Variants in COL27A1 observed in about 807,000 individuals in gnomAD.
COL27A1 encodes collagen alpha-1(XXVII) chain.
Under a neutral mutation model 251.3 loss-of-function variants are expected in COL27A1, and 106 were observed. That is an observed-to-expected ratio of 0.42 (90% CI 0.36 to 0.50). COL27A1 has a LOEUF of 0.50. Ranked by LOEUF, COL27A1 falls within the 20% of genes least tolerant of loss-of-function variation. COL27A1 has a pLI of 0.00. For missense variants in COL27A1, 2,325 were observed against 2,522.8 expected (o/e 0.92, Z 1.68); for synonymous variants, 1,000 against 986.3 (o/e 1.01, Z -0.26).
Position 114,270,523 on chromosome 9 carries a change from G to A in COL27A1, c.3556-205G>A, listed in dbSNP as rs553675026. Among the ~76,000 whole-genome samples the A allele has an allele frequency of 8.5e-5, 13 of 152,310 alleles. No individual in the cohort carries two copies. The East Asian group carries it at 9.6e-4, about 11-fold the overall frequency. On this transcript the variant is annotated intron_variant, in intron 35 of 60. Coordinates refer to ENST00000356083, the MANE Select transcript of COL27A1 (RefSeq NM_032888.4). ...GTCTGCTCCCCTTTTCTGGAGAGCT[G>A]AGGGTGGGCACCTCAACCTTCCTGT...
At chr9:114,221,830 C>T (rs1465962959) in intron 13 of COL27A1, among the ~76,000 whole-genome samples, 1 of 152,232 alleles carries the variant, frequency 6.6e-6, no homozygotes, top group African/African-American at 2.4e-5. Flanking sequence ...ATGGCTTTGT[C>T]ATTTCCTTGC....
intron 11 of COL27A1, among the ~76,000 whole-genome samples, 181 bp from the exon 12 acceptor site, chr9:114,210,801 A>C (rs1830298862): frequency 6.6e-6 from 1 of 152,224 alleles, no homozygotes; most frequent in South Asian, 2.1e-4. Flanking sequence ...CTCTTAGGTC[A>C]CCACAGACCC....
chr9:114,300,634 G>A lies in COL27A1; in HGVS notation c.4648G>A (p.Gly1550Arg). 1.3e-6 allele frequency: 2 copies of A among 1,535,528 alleles called. No individual in the cohort carries two copies. Among genetic ancestry groups the A allele is most frequent in the Non-Finnish European group, 1.7e-6 (2 of 1,144,838 alleles). The part of the protein sequence containing the change: ...AGLFGPKGPP[G>R]DIGFKGIQGP... The stretch of plus-strand genomic sequence containing the variant: ...TCTCTGCCTCCCACAGGGCCCGCCT[G>A]GAGACATTGGCTTCAAAGGCATCCA... The change falls in exon 51 of 61, where the codon GGA becomes AGA. Residue 1550 changes from glycine (G) to arginine (R), a missense_variant. Gly to Arg is a moderately radical substitution (Grantham distance 125, BLOSUM62 -2). Transcript: ENST00000356083.
At chr9:114,262,731 C>G (rs1320970532) in intron 28 of COL27A1, among the ~76,000 whole-genome samples, 1 of 152,240 alleles carries the variant, frequency 6.6e-6, no homozygotes, top group East Asian at 1.9e-4. Context: ...ACAATGGGCA[C>G]CAGGCCCTGG....
chr9:114,298,316 C>A (rs913227667), intron 49 of COL27A1, among the ~76,000 whole-genome samples: 1 of 152,088 alleles, frequency 6.6e-6, no homozygotes, highest in African/African-American at 2.4e-5. Context: ...CTATCAAAAT[C>A]CAAGCTGACT....
intron 4 of COL27A1, 44 bp downstream of exon 4, chr9:114,178,388 T>C (rs1262550495): frequency 6.3e-7 from 1 of 1,577,428 alleles, no homozygotes; most frequent in Non-Finnish European, 8.7e-7. Context: ...GGTGGCTCTT[T>C]GGCCTGCGTC....
chr9:114,183,544 G>A (rs1244486301), intron 5 of COL27A1, among the ~76,000 whole-genome samples: 3 of 152,122 alleles, frequency 2.0e-5, no homozygotes, highest in Non-Finnish European at 2.9e-5. Context: ...AGGCTAGTCC[G>A]GGCCAACTTA....
At chr9:114,177,617 AT>A (rs1226415045) in intron 3 of COL27A1, among the ~76,000 whole-genome samples, 1 of 152,172 alleles carries the variant, frequency 6.6e-6, no homozygotes, top group Non-Finnish European at 1.5e-5. Context: ...TTGGAATCCC[AT>A]GGGGAGTGTT....
intron 14 of COL27A1, among the ~76,000 whole-genome samples, chr9:114,225,937 G>A (rs1831441887): frequency 1.3e-5 from 2 of 152,228 alleles, no homozygotes; most frequent in Non-Finnish European, 1.5e-5. Flanking sequence ...CAGTTAGAGA[G>A]TGGAAGTGTC....
At chr9:114,278,952 C>T (rs1369801794) in intron 37 of COL27A1, among the ~76,000 whole-genome samples, 1 of 152,124 alleles carries the variant, frequency 6.6e-6, no homozygotes, top group Non-Finnish European at 1.5e-5. Context: ...CATTCCGGAC[C>T]CACAGCCTCA....
intron 7 of COL27A1, among the ~76,000 whole-genome samples, chr9:114,203,371 T>C (rs1014109812): frequency 4.6e-5 from 7 of 152,210 alleles, no homozygotes; most frequent in Admixed American, 4.6e-4. Flanking sequence ...CTGCCATCCC[T>C]GCTCCAACTT....
intron 9 of COL27A1, 45 bp from the exon 10 acceptor site, chr9:114,206,207 A>G (rs770208354): frequency 1.5e-5 from 24 of 1,597,346 alleles, no homozygotes; most frequent in East Asian, 2.2e-5. Context: ...GGCAGCAGGT[A>G]GAGCGTCTCC....
At position 114,205,958 on chromosome 9, in the gene COL27A1, T is replaced by C. The variant is rs1015853812; in HGVS notation, c.2223+146T>C. 5.5e-6 allele frequency: 4 copies of C among 729,234 alleles called. No individual in the cohort carries two copies. In the East Asian group the frequency reaches 1.1e-4, roughly 19 times the overall value. The allele number at this position is 729,234 out of a possible 1,614,324, so 45.2% of individuals were successfully genotyped here. ...CTAAGGAGGGGGCTTTCCAGGGGAC[T>C]GGACCAAGGAAGCCTGTCTTTGCAG... On this transcript the variant is annotated intron_variant, in intron 9 of 60. Coordinates refer to ENST00000356083, the MANE Select transcript of COL27A1 (RefSeq NM_032888.4).
rs146958388 is a variant in COL27A1, at chr9:114,252,736, G to A, written c.3087+90G>A. 7.1e-5 allele frequency: 102 copies of A among 1,432,208 alleles called. 1 individual carries two copies. The East Asian group carries it at 8.2e-4, about 12-fold the overall frequency. The allele number at this position is 1,432,208 out of a possible 1,614,324, so 88.7% of individuals were successfully genotyped here. ...CCTCCATGAACCGCTTACCCCAGACGTTCAGAATGACCAGCTCCCTCTTTG... is the reference window on the plus strand; with the variant it reads ...CCTCCATGAACCGCTTACCCCAGACATTCAGAATGACCAGCTCCCTCTTTG... On this transcript the variant is annotated intron_variant, in intron 26 of 60. Transcript: ENST00000356083.
rs1008869698 is a variant in COL27A1, at chr9:114,167,270, C to G, written c.134-419C>G. 5.9e-5 allele frequency among the ~76,000 whole-genome samples: 9 copies of G among 152,262 alleles called. No individual in the cohort carries two copies. The South Asian group carries it at 1.9e-3, about 32-fold the overall frequency. On this transcript the variant is annotated intron_variant, in intron 2 of 60. Transcript: ENST00000356083. ...TAGTATTAGTTATTATTTGAAAGGG[C>G]TTCTTTTGTACCAGGCACTTAAAAA...
At chr9:114,207,971 G>A (rs1182534692) in intron 10 of COL27A1, among the ~76,000 whole-genome samples, 1 of 152,204 alleles carries the variant, frequency 6.6e-6, no homozygotes, top group Non-Finnish European at 1.5e-5. Flanking sequence ...AGCCTCCATT[G>A]GTTGCTTGTT....
At position 114,156,007 on chromosome 9, in the gene COL27A1, CG is replaced by C. The variant is rs756877794; in HGVS notation, c.62+1del. ...GCACAGCGGCGGCGGCGGCGGCGCG[CG>C]GGGGGTGAGTACGAACTCGGGGACG... ...RGTAAAAAAR[G>X]GGFLFSWILV... On this transcript the variant is annotated frameshift_variant, in exon 1 of 61. Coordinates refer to ENST00000356083, the MANE Select transcript of COL27A1 (RefSeq NM_032888.4). LOFTEE classifies it high-confidence loss of function. 2.1e-5 allele frequency: 27 copies of C among 1,296,992 alleles called. No individual in the cohort carries two copies. The Middle Eastern group carries it at 1.6e-3, about 79-fold the overall frequency. 80.3% of individuals were successfully genotyped at this position (1,296,992 alleles called of 1,614,324 possible).
chr9:114,214,587 A>G (rs1051602818), intron 12 of COL27A1, among the ~76,000 whole-genome samples: 1 of 152,238 alleles, frequency 6.6e-6, no homozygotes, highest in East Asian at 1.9e-4. Context: ...ATAAGCAGAC[A>G]TAGCCCAGGG....
intron 2 of COL27A1, among the ~76,000 whole-genome samples, chr9:114,167,377 G>A (rs186726210): frequency 6.6e-6 from 1 of 152,318 alleles, no homozygotes; most frequent in African/African-American, 2.4e-5. Context: ...GAAAACTGAG[G>A]CACTAAAGTC....
Sources: allele counts gnomAD v4.1 joint callset (sites outside exome capture counted in the v4.1 genomes callset), GRCh38; gene constraint gnomAD v4.1.1; transcripts MANE v1.5; gene names NCBI Gene and HGNC (gene_info 2026-07-23, HGNC 2026-07-21).